The following CDH13 variants were observed in gnomAD, a reference collection of about 807,000 sequenced individuals.
CDH13 encodes the protein cadherin-13.
In CDH13, 24 loss-of-function variants were observed where a neutral mutation model predicts 63.8. The ratio of observed to expected loss-of-function variants is 0.38; its 90% confidence interval spans 0.27 to 0.53. The LOEUF (loss-of-function observed/expected upper bound fraction) is 0.53, where lower values mean the gene tolerates loss of function less well. Ranked by LOEUF, CDH13 falls within the 20% of genes least tolerant of loss-of-function variation. CDH13 has a pLI of 0.85. For missense variants in CDH13, 1,049 were observed against 903.1 expected (o/e 1.16, Z -2.07); for synonymous variants, 503 against 355.3 (o/e 1.42, Z -4.67).
chr16:82,809,401 G>A (rs534422038), intron 1 of CDH13, among the ~76,000 whole-genome samples: 2 of 152,202 alleles, frequency 1.3e-5, no homozygotes, highest in South Asian at 4.1e-4. Flanking sequence ...TTCCTGAAGA[G>A]GATGCTGCAG....
chr16:83,374,329 G>T (rs745839276), intron 6 of CDH13, among the ~76,000 whole-genome samples: 70 of 152,206 alleles, frequency 4.6e-4, no homozygotes, highest in Non-Finnish European at 5.3e-4. Flanking sequence ...CCCTCAAGAA[G>T]ATTCCAAGCC....
Position 83,323,375 on chromosome 16 carries a change from G to T in CDH13, c.637-21487G>T, listed in dbSNP as rs775289942. Among the ~76,000 whole-genome samples, 100 of 150,428 alleles carry T rather than the reference G, an allele frequency of 6.6e-4. 1 individual carries two copies. The highest frequency in any genetic ancestry group is 1.1e-3 in the Non-Finnish European group (72 of 67,700). ...ACTGCAAGCTCTGACCCGCCTCCTG[G>T]GTTCAAGTGATTCTCATGCCTCAGC... is the stretch of plus-strand genomic sequence containing the variant. On this transcript the variant is annotated intron_variant, in intron 5 of 13. Transcript: ENST00000567109.
chr16:82,980,345 C>G (rs564004462), intron 2 of CDH13, among the ~76,000 whole-genome samples: 27 of 152,126 alleles, frequency 1.8e-4, no homozygotes, highest in African/African-American at 6.3e-4. Flanking sequence ...TGGCTGGGTC[C>G]GTAAAGACCA....
chr16:83,186,059 T>C (rs1206292763), intron 4 of CDH13, among the ~76,000 whole-genome samples: 1 of 151,314 alleles, frequency 6.6e-6, no homozygotes, highest in African/African-American at 2.4e-5. Flanking sequence ...CTTTTAAAAT[T>C]GTATTATTTT....
intron 2 of CDH13, among the ~76,000 whole-genome samples, chr16:82,878,151 C>A (rs1365243468): frequency 2.6e-5 from 4 of 152,054 alleles, no homozygotes; most frequent in Non-Finnish European, 5.9e-5. Context: ...AAACCCCTCT[C>A]CCTCTCCAGT....
intron 7 of CDH13, among the ~76,000 whole-genome samples, chr16:83,535,276 C>T (rs1219762479): frequency 6.6e-6 from 1 of 152,140 alleles, no homozygotes; most frequent in Non-Finnish European, 1.5e-5. Context: ...CTTTTATTGG[C>T]CAAATTAAGG....
intron 2 of CDH13, among the ~76,000 whole-genome samples, chr16:83,014,806 A>C: frequency 1.1e-5 from 1 of 90,318 alleles, no homozygotes; most frequent in South Asian, 4.3e-4. Context: ...ATATATATGT[A>C]TATATATTTG....
chr16:83,171,469 AG>A, intron 4 of CDH13: 1 of 1,395,526 alleles, frequency 7.2e-7, no homozygotes, highest in Non-Finnish European at 9.8e-7. Flanking sequence ...TTTTCTAATT[AG>A]GTTACTCATT....
At chr16:83,768,741 C>A (rs924739853) in intron 11 of CDH13, among the ~76,000 whole-genome samples, 2 of 151,972 alleles carry the variant, frequency 1.3e-5, no homozygotes, top group African/African-American at 4.8e-5. Context: ...GTTGCCATGG[C>A]ATTTGTAAAC....
At chr16:82,785,543 G>T (rs952454236) in intron 1 of CDH13, among the ~76,000 whole-genome samples, 1 of 152,160 alleles carries the variant, frequency 6.6e-6, no homozygotes, top group Non-Finnish European at 1.5e-5. Flanking sequence ...ATCACTCCAA[G>T]TAAATGACTA....
At chr16:82,808,414 G>A (rs10438635) in intron 1 of CDH13, among the ~76,000 whole-genome samples, 18,388 of 151,998 alleles carry the variant, frequency 0.12, 1,153 homozygotes, top group South Asian at 0.16. Flanking sequence ...GTCACTGAAT[G>A]CCTTATGCTT....
Position 82,643,507 on chromosome 16 carries a change from C to T in CDH13, c.45+16370C>T, listed in dbSNP as rs116737447. The stretch of plus-strand genomic sequence containing the variant: ...GCTGTTTGGGTCTAATTCCTTCTGG[C>T]TACACTGGTTCTTACATGTGTTTCA... On this transcript the variant is annotated intron_variant, in intron 1 of 13. Transcript: ENST00000567109. Among the ~76,000 whole-genome samples, 301 of 152,316 alleles carry T rather than the reference C, an allele frequency of 2.0e-3. 1 individual carries two copies. The highest frequency in any genetic ancestry group is 6.9e-3 in the African/African-American group (288 of 41,566).
At chr16:82,702,426 G>C (rs188808450) in intron 1 of CDH13, among the ~76,000 whole-genome samples, 9 of 152,218 alleles carry the variant, frequency 5.9e-5, no homozygotes, top group Admixed American at 4.6e-4. Flanking sequence ...TGTCTTGTTC[G>C]TCTCAGTGCT....
At chr16:83,733,844 A>G (rs1426530013) in intron 10 of CDH13, among the ~76,000 whole-genome samples, 2 of 152,198 alleles carry the variant, frequency 1.3e-5, no homozygotes, top group East Asian at 3.9e-4. Context: ...AGACACCACC[A>G]TGCCTTGGCG....
At chr16:83,699,515 G>A (rs536956256) in intron 10 of CDH13, among the ~76,000 whole-genome samples, 1 of 152,278 alleles carries the variant, frequency 6.6e-6, no homozygotes, top group Non-Finnish European at 1.5e-5. Flanking sequence ...CTGGCTTCAA[G>A]CTTCCACTTC....
chr16:83,354,199 G>A (rs1392209326), intron 6 of CDH13, among the ~76,000 whole-genome samples: 2 of 152,198 alleles, frequency 1.3e-5, no homozygotes, highest in Admixed American at 6.5e-5. Flanking sequence ...AGCACAGAAC[G>A]TGCTCACCAG....
intron 4 of CDH13, among the ~76,000 whole-genome samples, chr16:83,161,942 T>C (rs1045643052): frequency 1.3e-5 from 2 of 152,246 alleles, no homozygotes; most frequent in African/African-American, 4.8e-5. Flanking sequence ...TGTAACTCTC[T>C]TCTTTGCTTA....
chr16:83,007,932 A>T (rs4783306), intron 2 of CDH13, among the ~76,000 whole-genome samples: 1 of 151,900 alleles, frequency 6.6e-6, no homozygotes, highest in East Asian at 1.9e-4. Flanking sequence ...ACATTAAGTC[A>T]GGTTATATTT....
chr16:83,213,378 G>A (rs1057169172), intron 4 of CDH13, among the ~76,000 whole-genome samples: 2 of 152,162 alleles, frequency 1.3e-5, no homozygotes, highest in African/African-American at 4.8e-5. Flanking sequence ...AGAAACGGGA[G>A]GGTGGTGATG....
Sources: gnomAD v4.1 joint callset for allele counts (sites outside exome capture counted in the v4.1 genomes callset) on GRCh38, gnomAD v4.1.1 for gene constraint, MANE v1.5 for transcripts, NCBI Gene and HGNC (gene_info 2026-07-23, HGNC 2026-07-21) for gene names.